The following CD101 variants were observed in gnomAD, a reference collection of about 807,000 sequenced individuals.
CD101 encodes the protein immunoglobulin superfamily member 2.
In CD101, 76 loss-of-function variants were observed where a neutral mutation model predicts 98.2. The ratio of observed to expected loss-of-function variants is 0.77; its 90% CI spans 0.64 to 0.94. CD101 has a LOEUF of 0.94. Among genes scored for constraint, CD101 ranks in the 40% least tolerant of loss-of-function variants. The pLI, the probability that CD101 is intolerant of heterozygous loss-of-function variation, is 0.00. For synonymous variants in CD101, 471 were observed against 472.7 expected, an observed-to-expected ratio of 1.00 and a Z score of 0.05; for missense variants, 1,145 against 1,218.8, an observed-to-expected ratio of 0.94 and a Z score of 0.90.
chr1:117,020,458 C>T (rs183226183), intron 6 of CD101, among the ~76,000 whole-genome samples: 8 of 152,270 alleles, frequency 5.3e-5, no homozygotes, highest in Non-Finnish European at 1.0e-4. Flanking sequence ...GCACAAGGAT[C>T]GCTTGAGCAC....
At chr1:117,031,157 G>A (rs1258618838) in intron 8 of CD101, among the ~76,000 whole-genome samples, 3 of 152,172 alleles carry the variant, frequency 2.0e-5, no homozygotes, top group African/African-American at 7.2e-5. Flanking sequence ...TAACAGCACA[G>A]GCACTAACAG....
rs1167963217 is a variant in CD101, at chr1:117,013,429, A to G, written c.865A>G (p.Thr289Ala). Reference protein sequence around the residue: ...PAVKDFQVNITADSLFAEGKP... With the variant: ...PAVKDFQVNIAADSLFAEGKP... ...AGTGAAAGATTTTCAAGTCAACATT[A>G]CAGCTGACAGCTTGTTTGCTGAAGG... Residue 289 changes from threonine to alanine, a missense_variant, in exon 4 of 10, where the codon ACA becomes GCA. Transcript: ENST00000682167. The G allele has an allele frequency of 6.2e-7, 1 of 1,610,002 alleles. No individual in the cohort carries two copies. Among genetic ancestry groups the G allele is most frequent in the Non-Finnish European group, 8.5e-7 (1 of 1,177,486 alleles).
Position 117,012,393 on chromosome 1 carries a change from G to A in CD101, c.841+427G>A, listed in dbSNP as rs1172361928. Reference sequence around the variant, plus strand: ...CTAAGCCCACCCAGCTGGTGAGAGTGGGGCTGGCATTCAAAGGGAGGCCTG... The same window carrying A: ...CTAAGCCCACCCAGCTGGTGAGAGTAGGGCTGGCATTCAAAGGGAGGCCTG... On this transcript the variant is annotated intron_variant, in intron 3 of 9. Coordinates refer to ENST00000682167, the MANE Select transcript of CD101 (RefSeq NM_001256106.3). This position sits in a 1 kb window ranked among gnomAD's most constrained non-coding sequence, Gnocchi z 4.0. Among the ~76,000 whole-genome samples, 1 of 152,148 alleles carries A rather than the reference G, an allele frequency of 6.6e-6. No individual in the cohort carries two copies. The highest frequency in any genetic ancestry group is 1.9e-4 in the East Asian group (1 of 5,186).
At position 117,021,331 on chromosome 1, in the gene CD101, T is replaced by G. The variant is rs550410813; in HGVS notation, c.2018-242T>G. ...CTAGTGGATGGAAGTTATGAAGAGA[T>G]AAAGTTCAACTTGATATCAGAAAGC... is the stretch of plus-strand genomic sequence containing the variant. On this transcript the variant is annotated intron_variant, in intron 6 of 9. Transcript: ENST00000682167. The surrounding 1 kb of genome is among the most constrained non-coding windows in gnomAD (Gnocchi z 4.7). 2.6e-5 allele frequency among the ~76,000 whole-genome samples: 4 copies of G among 152,294 alleles called. No individual in the cohort carries two copies. The South Asian group carries it at 6.2e-4, about 24-fold the overall frequency.
intron 7 of CD101, among the ~76,000 whole-genome samples, chr1:117,024,101 C>T (rs114617575): frequency 9.5e-4 from 144 of 152,284 alleles, no homozygotes; most frequent in Non-Finnish European, 9.7e-4. Flanking sequence ...CGTGCTACTC[C>T]ATGAAGGAAA....
Position 117,033,802 on chromosome 1 carries a change from TTGAC to T in CD101, c.2825-56_2825-53del. On this transcript the variant is annotated intron_variant, in intron 8 of 9. Coordinates refer to ENST00000682167, the MANE Select transcript of CD101 (RefSeq NM_001256106.3). This position sits in a 1 kb window ranked among gnomAD's most constrained non-coding sequence, Gnocchi z 4.8. ...CAATAAATCCCAGGAGTGTTTGTAA[TTGAC>T]TAGTACAAATAAGTTGGAGATGAAT... The T allele has an allele frequency of 6.2e-7, 1 of 1,605,884 alleles. No homozygotes were observed. Among genetic ancestry groups the T allele is most frequent in the Non-Finnish European group, 8.5e-7 (1 of 1,174,948 alleles).
intron 1 of CD101, among the ~76,000 whole-genome samples, chr1:117,002,081 T>G (rs1008921512): frequency 3.3e-5 from 5 of 152,208 alleles, no homozygotes; most frequent in Non-Finnish European, 5.9e-5. Flanking sequence ...TGCACAAGAT[T>G]CCATTGGTTT....
chr1:117,024,279 C>A (rs1303801348), intron 7 of CD101, among the ~76,000 whole-genome samples: 1 of 152,110 alleles, frequency 6.6e-6, no homozygotes, highest in Non-Finnish European at 1.5e-5. Context: ...GAGTTCGAGA[C>A]CAGCCTGGCC....
rs34397029 is a variant in CD101 at position 117,011,772 on chromosome 1, G to A, written c.647G>A (p.Arg216Gln). 21 of 1,614,104 alleles carry A rather than the reference G, an allele frequency of 1.3e-5. No individual in the cohort carries two copies. The highest frequency in any genetic ancestry group is 8.0e-5 in the African/African-American group (6 of 75,024). The change falls in exon 3 of 10, where the codon CGG becomes CAG. Residue 216 changes from arginine to glutamine, a missense_variant. Coordinates refer to ENST00000682167, the MANE Select transcript of CD101 (RefSeq NM_001256106.3). ...ILVPGPLYTE[R>Q]FAASDVQLNK... The stretch of plus-strand genomic sequence containing the variant: ...GTCCCTGGGCCCTTGTATACAGAGC[G>A]GTTTGCAGCCAGTGACGTACAGCTC...
rs772964295 is a variant in CD101, at chr1:117,018,460, G to A, written c.1917G>A (p.Gln639=). Residue 639 remains glutamine, a synonymous_variant, in exon 6 of 10, where the codon CAG becomes CAA. Transcript: ENST00000682167. The surrounding 1 kb of genome is among the most constrained non-coding windows in gnomAD (Gnocchi z 4.3). Reference sequence around the variant, plus strand: ...CTGAGGAAGAGACAGGAGTGTATCAGTGTGAAGTAGAAGTTTATGACAGAA... The same window carrying A: ...CTGAGGAAGAGACAGGAGTGTATCAATGTGAAGTAGAAGTTTATGACAGAA... ...DATEEETGVY[Q]CEVEVYDRNS... is the part of the protein sequence containing the mutation. The A allele has an allele frequency of 7.4e-6, 12 of 1,614,232 alleles. No homozygotes were observed. The highest frequency in any genetic ancestry group is 1.0e-5 in the Non-Finnish European group (12 of 1,180,038).
At chr1:117,011,391 A>G (rs1044764661) in intron 2 of CD101, among the ~76,000 whole-genome samples, 159 bp from the exon 3 acceptor site, 2 of 152,218 alleles carry the variant, frequency 1.3e-5, no homozygotes, top group African/African-American at 4.8e-5. Context: ...AATGTTCCCA[A>G]TGGCAATAGA....
Position 117,013,505 on chromosome 1 carries a change from A to G in CD101, c.941A>G (p.Gln314Arg). ...GTTGTAAGCAGTGGCCGTGACCCAC[A>G]GCTTCAAGGCATTTGGTTCTTCAAT... ...CLVVSSGRDPQLQGIWFFNGT... is the reference protein window; with the variant it reads ...CLVVSSGRDPRLQGIWFFNGT... Residue 314 changes from glutamine to arginine, a missense_variant, in exon 4 of 10, where the codon CAG (glutamine) becomes CGG (arginine). Gln to Arg is a conservative substitution (Grantham distance 43). Transcript: ENST00000682167. 1 of 1,614,216 alleles carries G rather than the reference A, an allele frequency of 6.2e-7. No individual in the cohort carries two copies. The highest frequency in any genetic ancestry group is 8.5e-7 in the Non-Finnish European group (1 of 1,180,028).
Position 117,001,814 on chromosome 1 carries a change from C to T in CD101, c.-4C>T. The T allele has an allele frequency of 1.2e-6, 2 of 1,613,966 alleles. No homozygotes were observed. The highest frequency in any genetic ancestry group is 1.7e-6 in the Non-Finnish European group (2 of 1,179,912). On this transcript the variant is annotated 5_prime_UTR_variant, in exon 1 of 10. Coordinates refer to ENST00000682167, the MANE Select transcript of CD101 (RefSeq NM_001256106.3). ...TGGGACGAAAAAGGACTGTGCTGGC[C>T]CAAATGGCAGGCATCTCATATGTGG...
Position 117,021,489 on chromosome 1 carries a change from A to C in CD101, c.2018-84A>C. 1.8e-6 allele frequency: 2 copies of C among 1,122,780 alleles called. No individual in the cohort carries two copies. The highest frequency in any genetic ancestry group is 2.5e-6 in the Non-Finnish European group (2 of 806,818). 69.6% of individuals were successfully genotyped at this position (1,122,780 alleles called of 1,614,324 possible). A position where few individuals can be genotyped will look rare whatever the true frequency, so the allele number is the denominator to read the frequency against. ...CACCCATATGATGGCGGGAGGATGC[A>C]GTGTCATACTTGACCTCTAATGTCT... On this transcript the variant is annotated intron_variant, in intron 6 of 9. Transcript: ENST00000682167. The surrounding 1 kb of genome is among the most constrained non-coding windows in gnomAD (Gnocchi z 4.7).
rs1653280059 is a variant in CD101 at position 117,017,222 on chromosome 1, A to G, written c.1361A>G (p.Gln454Arg). 1 of 1,614,158 alleles carries G rather than the reference A, an allele frequency of 6.2e-7. No homozygotes were observed. Among genetic ancestry groups the G allele is most frequent in the Non-Finnish European group, 8.5e-7 (1 of 1,180,004 alleles). ...SVSWWHIPRD[Q>R]TQPEFVAGMG... Reference sequence around the variant, plus strand: ...AGCTGGTGGCACATCCCACGGGACCAGACACAGCCCGAGTTTGTGGCTGGC... The same window carrying G: ...AGCTGGTGGCACATCCCACGGGACCGGACACAGCCCGAGTTTGTGGCTGGC... The change falls in exon 5 of 10, where the codon CAG (glutamine) becomes CGG (arginine). Residue 454 changes from glutamine to arginine, a missense_variant. Transcript: ENST00000682167.
At chr1:117,024,603 C>T (rs780340610) in intron 7 of CD101, among the ~76,000 whole-genome samples, 2 of 152,250 alleles carry the variant, frequency 1.3e-5, no homozygotes, top group Non-Finnish European at 2.9e-5. Context: ...GGCTGTTATT[C>T]TAAATCCTCA....
intron 1 of CD101, 22 bp from the exon 2 acceptor site, chr1:117,009,828 C>T (rs776586185): frequency 3.8e-6 from 6 of 1,570,362 alleles, no homozygotes; most frequent in Non-Finnish European, 4.3e-6. Context: ...TTTTATTCCC[C>T]TTTCTTTCTC....
chr1:117,007,752 C>G (rs1652623448), intron 1 of CD101, among the ~76,000 whole-genome samples: 1 of 152,184 alleles, frequency 6.6e-6, no homozygotes, highest in Non-Finnish European at 1.5e-5. Context: ...TACGATCATT[C>G]TGTATATAGT....
intron 1 of CD101, among the ~76,000 whole-genome samples, chr1:117,009,351 T>A (rs1302599474): frequency 6.6e-6 from 1 of 152,238 alleles, no homozygotes; most frequent in Non-Finnish European, 1.5e-5. Context: ...CAGACCTGGC[T>A]AGGAGCTACA....
Sources: allele counts gnomAD v4.1 joint callset (sites outside exome capture counted in the v4.1 genomes callset), GRCh38; gene constraint gnomAD v4.1.1; non-coding constraint Gnocchi (gnomAD v3.1); transcripts MANE v1.5; gene names NCBI Gene and HGNC (gene_info 2026-07-23, HGNC 2026-07-21).